The following ANO10 variants were observed in gnomAD, a reference collection of about 807,000 sequenced individuals.
The protein encoded by ANO10 is anoctamin-10.
A neutral mutation model predicts 74.7 loss-of-function variants in ANO10; 77 were observed. That is an observed-to-expected ratio of 1.03 (90% CI 0.86 to 1.25). ANO10 has a LOEUF of 1.25. ANO10 is among the 50% of genes most tolerant of loss of function. The pLI, the probability that ANO10 is intolerant of heterozygous loss-of-function variation, is 0.00. For missense variants in ANO10, 721 were observed against 778.1 expected (o/e 0.93, Z 0.87); for synonymous variants, 279 against 284.9 (o/e 0.98, Z 0.21).
chr3:43,414,029 G>T, intron 12 of ANO10, among the ~76,000 whole-genome samples: 1 of 152,066 alleles, frequency 6.6e-6, no homozygotes, highest in Admixed American at 6.6e-5. Context: ...TTCCAAGGAA[G>T]GGTTTGAGAC....
chr3:43,367,048 A>G (rs996982235), intron 12 of ANO10, 74 bp from the exon 13 acceptor site: 1 of 1,431,038 alleles, frequency 7.0e-7, no homozygotes, highest in Middle Eastern at 1.9e-4. Flanking sequence ...CTCTCTGTGG[A>G]AGCCTGGCCA....
chr3:43,603,375 A>G (rs2082419757), intron 2 of ANO10, among the ~76,000 whole-genome samples: 1 of 151,902 alleles, frequency 6.6e-6, no homozygotes, highest in Non-Finnish European at 1.5e-5. Flanking sequence ...ATTTGTTCTC[A>G]TATTTTCCAA....
intron 1 of ANO10, among the ~76,000 whole-genome samples, chr3:43,657,690 G>A (rs1483474291): frequency 6.6e-6 from 1 of 152,206 alleles, no homozygotes; most frequent in Non-Finnish European, 1.5e-5. Flanking sequence ...CTAGGCCCCA[G>A]GATAGCCTTT....
chr3:43,488,702 A>T (rs2076599140), intron 11 of ANO10, among the ~76,000 whole-genome samples: 1 of 151,282 alleles, frequency 6.6e-6, no homozygotes, highest in Admixed American at 6.6e-5. Context: ...AGAAATAGGA[A>T]CACTTTTACA....
chr3:43,414,966 G>GTTT (rs2092715701), intron 12 of ANO10, among the ~76,000 whole-genome samples: 1 of 87,092 alleles, frequency 1.1e-5, no homozygotes, highest in Admixed American at 1.2e-4. Context: ...CTGTCATTGT[G>GTTT]CTTTTTTTTT....
At chr3:43,609,930 C>G (rs2082731884) in intron 1 of ANO10, among the ~76,000 whole-genome samples, 1 of 151,994 alleles carries the variant, frequency 6.6e-6, no homozygotes, top group Non-Finnish European at 1.5e-5. Context: ...ATGTGAAGGC[C>G]TAAGACATTA....
intron 5 of ANO10, among the ~76,000 whole-genome samples, chr3:43,577,704 C>T (rs1394247496): frequency 6.6e-6 from 1 of 152,162 alleles, no homozygotes; most frequent in Non-Finnish European, 1.5e-5. Flanking sequence ...TCCCCATCCA[C>T]AAAATTCTGC....
upstream of ANO10, among the ~76,000 whole-genome samples, chr3:43,622,316 G>T (rs2083436821): frequency 6.6e-6 from 1 of 152,162 alleles, no homozygotes; most frequent in Non-Finnish European, 1.5e-5. Context: ...AAATCCGGAC[G>T]GCAGCGGGAG....
chr3:43,558,605 T>C (rs1285314208), intron 9 of ANO10, among the ~76,000 whole-genome samples: 2 of 152,224 alleles, frequency 1.3e-5, no homozygotes, highest in South Asian at 2.1e-4. Context: ...TTCGGCCAAA[T>C]TGCTTTTTCC....
At position 43,432,939 on chromosome 3, in the gene ANO10, T is replaced by C. The variant is rs551064781; in HGVS notation, c.1798-212A>G. On this transcript the variant is annotated intron_variant, in intron 11 of 12. Coordinates refer to ENST00000292246, the MANE Select transcript of ANO10 (RefSeq NM_018075.5). ...ACATTCAGTAATTACTGACTTTGCT[T>C]AATTCTTTTTTTTTTTTTTTTTTTT... 1.1e-4 allele frequency among the ~76,000 whole-genome samples: 15 copies of C among 138,104 alleles called. No individual in the cohort carries two copies. The South Asian group carries it at 3.7e-3, about 34-fold the overall frequency. The allele number at this position is 138,104 out of a possible 152,430, so 90.6% of individuals were successfully genotyped here.
intron 12 of ANO10, among the ~76,000 whole-genome samples, chr3:43,382,371 T>C (rs1289171443): frequency 6.6e-6 from 1 of 151,658 alleles, no homozygotes; most frequent in Non-Finnish European, 1.5e-5. Flanking sequence ...TACAAAAAAT[T>C]AGCCGGGCGT....
At chr3:43,406,553 T>C (rs1053932990) in intron 12 of ANO10, among the ~76,000 whole-genome samples, 3 of 149,008 alleles carry the variant, frequency 2.0e-5, no homozygotes, top group Admixed American at 6.6e-5. Context: ...TCTGTACGCA[T>C]ATGACTGACA....
chr3:43,375,462 C>G (rs1014917708), intron 12 of ANO10, among the ~76,000 whole-genome samples: 8 of 151,708 alleles, frequency 5.3e-5, no homozygotes, highest in Non-Finnish European at 1.0e-4. Context: ...AAAAGAGAAT[C>G]AAGTTTTAAA....
intron 11 of ANO10, among the ~76,000 whole-genome samples, chr3:43,545,375 T>C (rs891712108): frequency 6.6e-6 from 1 of 151,934 alleles, no homozygotes; most frequent in South Asian, 2.1e-4. Context: ...TTTTTGTTTG[T>C]TTGTTTGTTT....
At chr3:43,399,849 C>G (rs531829059) in intron 12 of ANO10, among the ~76,000 whole-genome samples, 52 of 152,220 alleles carry the variant, frequency 3.4e-4, no homozygotes, top group African/African-American at 1.2e-3. Context: ...CATGGAAGTC[C>G]AGAATAACTT....
chr3:43,672,749 C>A (rs948519444), intron 1 of ANO10, among the ~76,000 whole-genome samples: 2 of 152,012 alleles, frequency 1.3e-5, no homozygotes, highest in South Asian at 4.2e-4. Flanking sequence ...CCTGTGAAAC[C>A]TTAAGTTTTT....
At chr3:43,549,994 T>C in intron 10 of ANO10, 146 bp from the exon 11 acceptor site, 2 of 954,724 alleles carry the variant, frequency 2.1e-6, no homozygotes, top group African/African-American at 1.7e-5. Context: ...TTCTCTGTCA[T>C]GGTATGATTT....
intron 4 of ANO10, among the ~76,000 whole-genome samples, chr3:43,591,261 C>T (rs528460255): frequency 4.6e-5 from 7 of 152,262 alleles, no homozygotes; most frequent in East Asian, 1.9e-4. Flanking sequence ...GCAGGGTGTC[C>T]GCTGCGCTTC....
At chr3:43,687,612 T>C (rs1466099498) in intron 1 of ANO10, among the ~76,000 whole-genome samples, 1 of 152,198 alleles carries the variant, frequency 6.6e-6, no homozygotes, top group Admixed American at 6.5e-5. Flanking sequence ...CAGTGTCATA[T>C]CTGGCCATCT....
Sources: gnomAD v4.1 joint callset for allele counts (sites outside exome capture counted in the v4.1 genomes callset) on GRCh38, gnomAD v4.1.1 for gene constraint, MANE v1.5 for transcripts, NCBI Gene and HGNC (gene_info 2026-07-23, HGNC 2026-07-21) for gene names.